Variants in DOK6 observed in about 807,000 individuals in gnomAD.
DOK6 encodes the protein downstream of tyrosine kinase 6.
In DOK6, 22 loss-of-function variants were observed where a neutral mutation model predicts 44.0. That is an observed-to-expected ratio of 0.50 (90% confidence interval 0.36 to 0.71). The LOEUF is 0.71. Ranked by LOEUF, DOK6 falls within the 30% of genes least tolerant of loss-of-function variation. DOK6 has a pLI of 0.00. For synonymous variants in DOK6, 166 were observed against 145.5 expected, an observed-to-expected ratio of 1.14 and a Z score of -1.01; for missense variants, 340 against 416.4, an observed-to-expected ratio of 0.82 and a Z score of 1.60.
intron 1 of DOK6, among the ~76,000 whole-genome samples, chr18:69,403,951 G>A (rs1045188071): frequency 6.6e-5 from 10 of 152,046 alleles, no homozygotes; most frequent in African/African-American, 2.4e-4. Flanking sequence ...CCAAGGACAC[G>A]ATGAGTTTTT....
chr18:69,543,206 C>T (rs1397210416), intron 1 of DOK6, among the ~76,000 whole-genome samples: 1 of 151,516 alleles, frequency 6.6e-6, no homozygotes, highest in Non-Finnish European at 1.5e-5. Context: ...CTTGGGCTTT[C>T]AGACATGAAA....
At chr18:69,405,592 T>TAAATAAAATAAAATAAAATA (rs149922407) in intron 1 of DOK6, among the ~76,000 whole-genome samples, 216 of 149,770 alleles carry the variant, frequency 1.4e-3, no homozygotes, top group African/African-American at 4.7e-3. Context: ...AATAACTAAC[T>TAAATAAAATAAAATAAAATA]AAATAAAATA....
chr18:69,764,824 T>C (rs1026826714), intron 7 of DOK6, among the ~76,000 whole-genome samples: 2 of 152,178 alleles, frequency 1.3e-5, no homozygotes, highest in African/African-American at 2.4e-5. Context: ...GTATATACCA[T>C]TTGTAAAGGT....
At chr18:69,791,728 C>T (rs577669913) in intron 7 of DOK6, among the ~76,000 whole-genome samples, 1 of 151,868 alleles carries the variant, frequency 6.6e-6, no homozygotes, top group Non-Finnish European at 1.5e-5. Flanking sequence ...TTGATTGTTT[C>T]CTTTGCTGTA....
intron 1 of DOK6, among the ~76,000 whole-genome samples, chr18:69,419,076 G>A (rs894014706): frequency 6.6e-6 from 1 of 152,054 alleles, no homozygotes; most frequent in Admixed American, 6.6e-5. Flanking sequence ...GACCCAAGTG[G>A]TTTGAACACT....
At chr18:69,642,997 G>A (rs1399665511) in intron 3 of DOK6, among the ~76,000 whole-genome samples, 1 of 152,078 alleles carries the variant, frequency 6.6e-6, no homozygotes, top group Non-Finnish European at 1.5e-5. Context: ...GATGGTCTTA[G>A]AAAAAAGTAC....
At chr18:69,672,328 C>T (rs1280691180) in intron 3 of DOK6, among the ~76,000 whole-genome samples, 1 of 152,106 alleles carries the variant, frequency 6.6e-6, no homozygotes, top group Admixed American at 6.5e-5. Flanking sequence ...CTGAAACAAG[C>T]ATTTAGGTGG....
At chr18:69,716,382 A>G (rs1986881487) in intron 5 of DOK6, among the ~76,000 whole-genome samples, 4 of 152,258 alleles carry the variant, frequency 2.6e-5, no homozygotes, top group Admixed American at 2.6e-4. Flanking sequence ...AATTATTTTA[A>G]GCATAATTAA....
chr18:69,604,252 C>G (rs1041484056), intron 3 of DOK6, among the ~76,000 whole-genome samples: 1 of 152,094 alleles, frequency 6.6e-6, no homozygotes, highest in South Asian at 2.1e-4. Context: ...TAAAAATTTT[C>G]GAACACACAG....
rs1443651958 is a variant in DOK6 at position 69,603,765 on chromosome 18, C to T, written c.289+4267C>T. Reference sequence around the variant, plus strand: ...CAGCCTGGGCGACAGAGCGAGACTCCGTCTCAAAAAAAAAAAAAAAAAAAA... The same window carrying T: ...CAGCCTGGGCGACAGAGCGAGACTCTGTCTCAAAAAAAAAAAAAAAAAAAA... On this transcript the variant is annotated intron_variant, in intron 3 of 7. Transcript: ENST00000382713. Among the ~76,000 whole-genome samples the T allele has an allele frequency of 1.1e-4, 11 of 100,886 alleles. No homozygotes were observed. The South Asian group carries it at 1.4e-3, about 13-fold the overall frequency. 66.2% of individuals were successfully genotyped at this position (100,886 alleles called of 152,430 possible). A position where few individuals can be genotyped will look rare whatever the true frequency, so the allele number is the denominator to read the frequency against.
At chr18:69,793,810 G>GA (rs1054295641) in intron 7 of DOK6, among the ~76,000 whole-genome samples, 1 of 151,656 alleles carries the variant, frequency 6.6e-6, no homozygotes, top group Non-Finnish European at 1.5e-5. Flanking sequence ...AGCACTATGG[G>GA]AAAAACAAAT....
At chr18:69,417,179 T>C (rs183913459) in intron 1 of DOK6, among the ~76,000 whole-genome samples, 10 of 152,204 alleles carry the variant, frequency 6.6e-5, no homozygotes, top group Non-Finnish European at 8.8e-5. Context: ...ATCTTATCCT[T>C]CTATCTAACT....
chr18:69,832,404 T>C (rs774622857), intron 7 of DOK6: 2 of 152,186 alleles, frequency 1.3e-5, no homozygotes, highest in Non-Finnish European at 2.9e-5. Flanking sequence ...ATGATCTCTT[T>C]AATGTGTTGT....
At chr18:69,811,524 T>TTATA (rs57486782) in intron 7 of DOK6, among the ~76,000 whole-genome samples, 72 of 93,594 alleles carry the variant, frequency 7.7e-4, no homozygotes, top group South Asian at 1.1e-3. Context: ...AACCATTCCA[T>TTATA]TATATATATA....
intron 7 of DOK6, among the ~76,000 whole-genome samples, chr18:69,805,867 T>C (rs1251103084): frequency 1.3e-5 from 2 of 152,100 alleles, no homozygotes; most frequent in African/African-American, 4.8e-5. Context: ...GAATGGTGCC[T>C]ATCCTTTCAA....
At chr18:69,572,274 C>T (rs1436291421) in intron 2 of DOK6, among the ~76,000 whole-genome samples, 2 of 151,906 alleles carry the variant, frequency 1.3e-5, no homozygotes, top group Non-Finnish European at 2.9e-5. Context: ...AATTAAGTGT[C>T]GGGTGTGAAT....
chr18:69,675,618 A>G (rs1320132192), intron 3 of DOK6, among the ~76,000 whole-genome samples: 4 of 152,212 alleles, frequency 2.6e-5, no homozygotes, highest in African/African-American at 9.6e-5. Context: ...ATACATATGT[A>G]ACAAACCTGC....
chr18:69,622,532 AT>A (rs1984466248), intron 3 of DOK6, among the ~76,000 whole-genome samples: 1 of 152,126 alleles, frequency 6.6e-6, no homozygotes. Context: ...TTCAAGCTAT[AT>A]TTTTCTGTCT....
chr18:69,825,069 A>C (rs1981701268), intron 7 of DOK6, among the ~76,000 whole-genome samples: 1 of 152,192 alleles, frequency 6.6e-6, no homozygotes, highest in Non-Finnish European at 1.5e-5. Flanking sequence ...AGAGAACATA[A>C]ACTAATATGT....
Sources: gnomAD v4.1 joint callset for allele counts (sites outside exome capture counted in the v4.1 genomes callset) on GRCh38, gnomAD v4.1.1 for gene constraint, MANE v1.5 for transcripts, NCBI Gene and HGNC (gene_info 2026-07-23, HGNC 2026-07-21) for gene names.